The following CACNA1I variants were observed in gnomAD, a reference collection of about 807,000 sequenced individuals.
CACNA1I encodes voltage-dependent T-type calcium channel subunit alpha-1I.
CACNA1I carries 74 observed loss-of-function variants against 201.6 expected under a neutral mutation model. That is an observed-to-expected ratio of 0.37 (90% CI 0.30 to 0.45). CACNA1I has a LOEUF of 0.45. CACNA1I is among the 20% of genes least tolerant of loss of function. The pLI is 1.00. For missense variants in CACNA1I, 2,346 were observed against 3,138.1 expected (o/e 0.75, Z 6.03); for synonymous variants, 1,431 against 1,345.2 (o/e 1.06, Z -1.40).
chr22:39,670,996 G>A, intron 26 of CACNA1I, 42 bp downstream of exon 26: 2 of 1,605,778 alleles, frequency 1.2e-6, no homozygotes, highest in Non-Finnish European at 1.7e-6. Flanking sequence ...TACAAGGTGA[G>A]GGTGGGGTCT....
At chr22:39,591,255 G>A (rs1036320174) in intron 1 of CACNA1I, among the ~76,000 whole-genome samples, 2 of 150,772 alleles carry the variant, frequency 1.3e-5, no homozygotes, top group African/African-American at 4.9e-5. Flanking sequence ...CTCACCTCCC[G>A]GGTTCAAGCG....
chr22:39,599,872 C>T (rs1227941479), intron 2 of CACNA1I, among the ~76,000 whole-genome samples: 1 of 152,214 alleles, frequency 6.6e-6, no homozygotes, highest in African/African-American at 2.4e-5. Context: ...GCAGCCCTCA[C>T]TAATCCTGGA....
chr22:39,678,351 G>A (rs557049680), intron 31 of CACNA1I, among the ~76,000 whole-genome samples: 1 of 152,344 alleles, frequency 6.6e-6, no homozygotes, highest in East Asian at 1.9e-4. Context: ...TCAGATTCTA[G>A]GGTAGACAAC....
At position 39,682,465 on chromosome 22, in the gene CACNA1I, C is replaced by T. The variant is rs771403058; in HGVS notation, c.5665-31C>T. Reference sequence around the variant, plus strand: ...TTCATGAGCTGTCCCCCTTCCCAGTCCTGCCCCATCCTACCTCCCTTTCCT... The same window carrying T: ...TTCATGAGCTGTCCCCCTTCCCAGTTCTGCCCCATCCTACCTCCCTTTCCT... On this transcript the variant is annotated intron_variant, in intron 34 of 36. Transcript: ENST00000402142. The T allele has an allele frequency of 4.4e-6, 7 of 1,605,198 alleles. No individual in the cohort carries two copies. In the Admixed American group the frequency reaches 8.4e-5, roughly 19 times the overall value.
intron 33 of CACNA1I, 66 bp from the exon 34 acceptor site, chr22:39,680,864 C>T (rs550894838): frequency 2.8e-5 from 43 of 1,524,310 alleles, no homozygotes; most frequent in Middle Eastern, 1.9e-4. Context: ...TGTGGCTGCA[C>T]GCCCCAGGAC....
intron 10 of CACNA1I, among the ~76,000 whole-genome samples, chr22:39,655,857 G>A (rs1934799740): frequency 6.6e-6 from 1 of 152,234 alleles, no homozygotes; most frequent in Non-Finnish European, 1.5e-5. Context: ...TTGTGAGGGA[G>A]GAGGAGGCGC....
At position 39,602,195 on chromosome 22, in the gene CACNA1I, C is replaced by T. The variant is rs562911174; in HGVS notation, c.482+1542C>T. 2.2e-3 allele frequency among the ~76,000 whole-genome samples: 335 copies of T among 149,352 alleles called. 4 individuals are homozygous for T. Among genetic ancestry groups the T allele is most frequent in the African/African-American group, 7.9e-3 (320 of 40,342 alleles). ...CAAAGGATCCTCCCACCTCAGCCTC[C>T]TGAGTAGCTGGGACTGCAGGCATGT... On this transcript the variant is annotated intron_variant, in intron 3 of 36. Coordinates refer to ENST00000402142, the MANE Select transcript of CACNA1I (RefSeq NM_021096.4).
In CACNA1I at chr22:39,688,796, G is replaced by A. The variant is rs1935956138; in HGVS notation, c.*2391G>A. 6.6e-6 allele frequency: 1 copy of A among 152,428 alleles called. No individual in the cohort carries two copies. The highest frequency in any genetic ancestry group is 2.4e-5 in the African/African-American group (1 of 41,470). 9.4% of individuals were successfully genotyped at this position (152,428 alleles called of 1,614,324 possible). On this transcript the variant is annotated 3_prime_UTR_variant, in exon 37 of 37. Coordinates refer to ENST00000402142, the MANE Select transcript of CACNA1I (RefSeq NM_021096.4). This position sits in a 1 kb window ranked among gnomAD's most constrained non-coding sequence, Gnocchi z 4.8. Reference sequence around the variant, plus strand: ...AGGCAGGTGTTCTAGGCAAAGGGATGGGCATGAGCGAAGGCTCCAGGGTCC... The same window carrying A: ...AGGCAGGTGTTCTAGGCAAAGGGATAGGCATGAGCGAAGGCTCCAGGGTCC...
chr22:39,670,714 C>A, intron 25 of CACNA1I, 89 bp from the exon 26 acceptor site: 1 of 1,307,676 alleles, frequency 7.6e-7, no homozygotes, highest in Non-Finnish European at 1.1e-6. Flanking sequence ...CCCTCCCTTT[C>A]CTCCACCTTT....
chr22:39,622,368 A>G (rs1279330113), intron 4 of CACNA1I, among the ~76,000 whole-genome samples: 7 of 90,640 alleles, frequency 7.7e-5, no homozygotes, highest in African/African-American at 3.0e-4. Flanking sequence ...ATGGGGATTG[A>G]GTAGGTGGAG....
chr22:39,649,411 C>T lies in CACNA1I; in HGVS notation c.1568-90C>T. 7.5e-7 allele frequency: 1 copy of T among 1,338,630 alleles called. No homozygotes were observed. The allele number at this position is 1,338,630 out of a possible 1,614,324, so 82.9% of individuals were successfully genotyped here. On this transcript the variant is annotated intron_variant, in intron 9 of 36. Coordinates refer to ENST00000402142, the MANE Select transcript of CACNA1I (RefSeq NM_021096.4). This position sits in a 1 kb window ranked among gnomAD's most constrained non-coding sequence, Gnocchi z 7.3. ...GCTGGTTCCAGGCAGACCTGTGGGCCTGGGAGCCAAGCGCACTCAGGGATG... is the reference window on the plus strand; with the variant it reads ...GCTGGTTCCAGGCAGACCTGTGGGCTTGGGAGCCAAGCGCACTCAGGGATG...
chr22:39,658,430 A>C, intron 11 of CACNA1I, 127 bp downstream of exon 11: 1 of 829,512 alleles, frequency 1.2e-6, no homozygotes, highest in Non-Finnish European at 1.9e-6. Context: ...AATTATCGAA[A>C]TAGTCAAACA....
Position 39,658,370 on chromosome 22 carries a change from C to A in CACNA1I, c.2144+67C>A. The A allele has an allele frequency of 2.0e-6, 3 of 1,468,082 alleles. 1 individual carries two copies. The highest frequency in any genetic ancestry group is 2.8e-6 in the Non-Finnish European group (3 of 1,062,464). The allele number at this position is 1,468,082 out of a possible 1,614,324, so 90.9% of individuals were successfully genotyped here. A position where few individuals can be genotyped will look rare whatever the true frequency, so the allele number is the denominator to read the frequency against. On this transcript the variant is annotated intron_variant, in intron 11 of 36. Transcript: ENST00000402142. Reference sequence around the variant, plus strand: ...GGGACATTTACTGCAAAGACCCCAGCCAGCATATAAAGGACATAAGATGGC... The same window carrying A: ...GGGACATTTACTGCAAAGACCCCAGACAGCATATAAAGGACATAAGATGGC...
In CACNA1I at chr22:39,665,988, C is replaced by T. The variant is rs751591828; in HGVS notation, c.4086C>T (p.Asn1362=). The change falls in exon 23 of 37, where the codon AAC becomes AAT. Residue 1362 remains asparagine (N), a synonymous_variant. Coordinates refer to ENST00000402142, the MANE Select transcript of CACNA1I (RefSeq NM_021096.4). The surrounding 1 kb of genome is among the most constrained non-coding windows in gnomAD (Gnocchi z 5.5). ...ANYRWVHHKY[N]FDNLGQALMS... is the part of the protein sequence containing the mutation. The stretch of plus-strand genomic sequence containing the variant: ...ACCGCTGGGTCCATCACAAATACAA[C>T]TTCGACAACCTGGGCCAGGTGAGCA... 1.6e-5 allele frequency: 26 copies of T among 1,613,638 alleles called. No individual in the cohort carries two copies. Among genetic ancestry groups the T allele is most frequent in the Non-Finnish European group, 2.0e-5 (24 of 1,179,866 alleles).
chr22:39,688,172 C>T lies in CACNA1I; in HGVS notation c.*1767C>T, dbSNP rs1329083577. ...CCCTGGAGAGGGGAAGCAGCCAGCC[C>T]AGGATGCTTCAGGGCCCTGGCAGCA... On this transcript the variant is annotated 3_prime_UTR_variant, in exon 37 of 37. Coordinates refer to ENST00000402142, the MANE Select transcript of CACNA1I (RefSeq NM_021096.4). The surrounding 1 kb of genome is among the most constrained non-coding windows in gnomAD (Gnocchi z 4.8). The T allele has an allele frequency of 6.6e-6, 1 of 152,204 alleles. No homozygotes were observed. Among genetic ancestry groups the T allele is most frequent in the Non-Finnish European group, 1.5e-5 (1 of 68,078 alleles). 9.4% of individuals were successfully genotyped at this position (152,204 alleles called of 1,614,324 possible).
At position 39,570,921 on chromosome 22, in the gene CACNA1I, A is replaced by T. The variant is rs771200436; in HGVS notation, c.169A>T (p.Ile57Phe). 6.2e-7 allele frequency: 1 copy of T among 1,613,508 alleles called. No individual in the cohort carries two copies. Among genetic ancestry groups the T allele is most frequent in the Admixed American group, 1.7e-5 (1 of 59,996 alleles). Residue 57 changes from isoleucine to phenylalanine, a missense_variant, in exon 1 of 37, where the codon ATT becomes TTT. Around this residue, in one of 13 missense-constraint regions of CACNA1I, gnomAD observed 130 missense variants for 160.7 expected, o/e 0.81. Transcript: ENST00000402142. Reference protein sequence around the residue: ...PHVPHPDLAPIAFFCLRQTTS... With the variant: ...PHVPHPDLAPFAFFCLRQTTS... ...TGTCCCACACCCAGACCTGGCGCCT[A>T]TTGCCTTCTTCTGCCTGCGACAGAC...
At position 39,665,610 on chromosome 22, in the gene CACNA1I, A is replaced by G; in HGVS notation, c.3964A>G (p.Ile1322Val). 1 of 1,613,744 alleles carries G rather than the reference A, an allele frequency of 6.2e-7. No homozygotes were observed. Among genetic ancestry groups the G allele is most frequent in the Non-Finnish European group, 8.5e-7 (1 of 1,179,764 alleles). The stretch of plus-strand genomic sequence containing the variant: ...CTGTGCCTTCTTCATCATCTTTGGC[A>G]TCCTGGGAGTGCAGGTGAGGGGTGC... ...ICCAFFIIFG[I>V]LGVQLFKGKF... Residue 1322 changes from isoleucine (I) to valine (V), a missense_variant, in exon 22 of 37, where the codon ATC becomes GTC. Physicochemically the swap from Ile to Val is conservative, Grantham distance 29. Coordinates refer to ENST00000402142, the MANE Select transcript of CACNA1I (RefSeq NM_021096.4). This position sits in a 1 kb window ranked among gnomAD's most constrained non-coding sequence, Gnocchi z 5.5.
chr22:39,662,516 A>C, intron 17 of CACNA1I, 81 bp downstream of exon 17: 2 of 1,117,670 alleles, frequency 1.8e-6, no homozygotes, highest in South Asian at 1.7e-5. Context: ...GCGGGGCCCG[A>C]GCGGGCGGGC....
At chr22:39,624,156 G>A (rs1933834643) in intron 4 of CACNA1I, among the ~76,000 whole-genome samples, 2 of 151,904 alleles carry the variant, frequency 1.3e-5, no homozygotes, top group African/African-American at 4.8e-5. Flanking sequence ...GAGCATGTGT[G>A]TGCCTGTGAG....
Sources: allele counts gnomAD v4.1 joint callset (sites outside exome capture counted in the v4.1 genomes callset), GRCh38; gene constraint gnomAD v4.1.1; regional missense constraint gnomAD v4.1.1; non-coding constraint Gnocchi (gnomAD v3.1); transcripts MANE v1.5; gene names NCBI Gene and HGNC (gene_info 2026-07-23, HGNC 2026-07-21).